ZZZ3: variants seen among roughly 807,000 people sequenced by gnomAD.
ZZZ3 encodes zinc finger ZZ-type containing 3.
ZZZ3 carries 22 observed loss-of-function variants against 95.2 expected under a neutral mutation model. The ratio of observed to expected loss-of-function variants is 0.23; its 90% CI spans 0.17 to 0.33. ZZZ3 has a LOEUF of 0.33. ZZZ3 is among the 10% of genes least tolerant of loss of function. ZZZ3 has a pLI of 1.00. For missense variants in ZZZ3, 885 were observed against 1,066.5 expected, an observed-to-expected ratio of 0.83 and a Z score of 2.37; for synonymous variants, 335 against 358.9, an observed-to-expected ratio of 0.93 and a Z score of 0.75.
At chr1:77,572,552 C>A (rs1446309299) in intron 12 of ZZZ3, among the ~76,000 whole-genome samples, 3 of 152,066 alleles carry the variant, frequency 2.0e-5, no homozygotes, top group African/African-American at 4.8e-5. Context: ...ATTGGCCAGG[C>A]TGGTCTCCAA....
chr1:77,633,057 C>G lies in ZZZ3; in HGVS notation c.298G>C (p.Ala100Pro), dbSNP rs765143671. Residue 100 changes from alanine to proline, a missense_variant, in exon 5 of 15, where the codon GCT becomes CCT. Physicochemically the swap from Ala to Pro is conservative, Grantham distance 27 (BLOSUM62 -1). This residue lies in a region of ZZZ3 where 556 missense variants were observed against 652.9 expected (regional missense o/e 0.85). Coordinates refer to ENST00000370801, the MANE Select transcript of ZZZ3 (RefSeq NM_015534.6). ...SSEKDNIERQ[A>P]IENCERRQTE... The stretch of plus-strand genomic sequence containing the variant: ...TGCCTTCTCTCACAATTTTCTATAG[C>G]CTGCCTTTCTATGTTATCCTTTTCT... 6.2e-6 allele frequency: 10 copies of G among 1,613,796 alleles called. No individual in the cohort carries two copies. The African/African-American group carries it at 8.0e-5, about 13-fold the overall frequency.
chr1:77,651,844 C>T (rs1012853852), intron 1 of ZZZ3, among the ~76,000 whole-genome samples: 1 of 151,872 alleles, frequency 6.6e-6, no homozygotes, highest in Non-Finnish European at 1.5e-5. Flanking sequence ...GGTGAAACCC[C>T]GTCTCTACTA....
intron 5 of ZZZ3, among the ~76,000 whole-genome samples, chr1:77,593,202 T>C (rs1196014407): frequency 6.6e-6 from 1 of 152,130 alleles, no homozygotes; most frequent in Non-Finnish European, 1.5e-5. Context: ...ATATCTCAGT[T>C]TGGAATTAAT....
intron 1 of ZZZ3, among the ~76,000 whole-genome samples, chr1:77,642,875 G>A (rs555635710): frequency 2.6e-5 from 4 of 152,248 alleles, no homozygotes; most frequent in African/African-American, 4.8e-5. Flanking sequence ...ACAATAGAGC[G>A]ATTAAGAAAC....
chr1:77,592,912 T>G (rs1026186279), intron 5 of ZZZ3, among the ~76,000 whole-genome samples: 14 of 152,168 alleles, frequency 9.2e-5, no homozygotes, highest in African/African-American at 3.4e-4. Context: ...AAATTGTGAG[T>G]TATTACGAGG....
At chr1:77,635,228 T>C (rs973936495) in intron 4 of ZZZ3, among the ~76,000 whole-genome samples, 8 of 152,336 alleles carry the variant, frequency 5.3e-5, no homozygotes, top group African/African-American at 1.7e-4. Context: ...CTGTAAAATA[T>C]TTAAGTTGCC....
At chr1:77,641,261 C>A (rs1668754903) in intron 3 of ZZZ3, 123 bp downstream of exon 3, 2 of 293,702 alleles carry the variant, frequency 6.8e-6, no homozygotes, top group South Asian at 1.6e-4. Flanking sequence ...AGCACTCTAT[C>A]AAGTTCTAAT....
intron 5 of ZZZ3, among the ~76,000 whole-genome samples, chr1:77,628,939 A>T (rs988601277): frequency 6.6e-6 from 1 of 152,216 alleles, no homozygotes; most frequent in African/African-American, 2.4e-5. Context: ...AACATTTGAC[A>T]AGGTATGTAC....
intron 5 of ZZZ3, among the ~76,000 whole-genome samples, chr1:77,614,093 C>T (rs142694499): frequency 1.1e-4 from 16 of 152,268 alleles, no homozygotes; most frequent in African/African-American, 3.8e-4. Context: ...AGATTAATGA[C>T]ATGACACTAA....
intron 1 of ZZZ3, among the ~76,000 whole-genome samples, chr1:77,642,618 G>A (rs1183615851): frequency 2.6e-5 from 4 of 151,550 alleles, no homozygotes; most frequent in East Asian, 1.9e-4. Context: ...TTAGCCAGAC[G>A]TGGTTGTGTG....
At chr1:77,616,170 C>T (rs1301527019) in intron 5 of ZZZ3, among the ~76,000 whole-genome samples, 2 of 152,060 alleles carry the variant, frequency 1.3e-5, no homozygotes, top group African/African-American at 4.8e-5. Context: ...TTTCTTTAAA[C>T]GCCAAATGTT....
chr1:77,602,491 C>T (rs1302390020), intron 5 of ZZZ3, among the ~76,000 whole-genome samples: 1 of 151,892 alleles, frequency 6.6e-6, no homozygotes, highest in African/African-American at 2.4e-5. Context: ...AAATATTATA[C>T]TTGGAATCCT....
chr1:77,602,806 A>G (rs557438780), intron 5 of ZZZ3, among the ~76,000 whole-genome samples: 2 of 152,006 alleles, frequency 1.3e-5, no homozygotes, highest in South Asian at 4.2e-4. Context: ...GGGTTTCACC[A>G]TGTTGGCCAG....
At chr1:77,657,001 G>A (rs370335) in intron 1 of ZZZ3, among the ~76,000 whole-genome samples, 1 of 151,772 alleles carries the variant, frequency 6.6e-6, no homozygotes, top group Non-Finnish European at 1.5e-5. Flanking sequence ...CTTACTTTTC[G>A]AGACAGTCTC....
chr1:77,616,551 T>C (rs1666332723), intron 5 of ZZZ3, among the ~76,000 whole-genome samples: 1 of 152,218 alleles, frequency 6.6e-6, no homozygotes, highest in African/African-American at 2.4e-5. Context: ...TTTTGCTCTA[T>C]GCATCTCTAC....
chr1:77,586,407 T>C (rs1353264688), intron 5 of ZZZ3, among the ~76,000 whole-genome samples: 1 of 152,116 alleles, frequency 6.6e-6, no homozygotes, highest in African/African-American at 2.4e-5. Flanking sequence ...TAACAACTAA[T>C]AAGGCACAAG....
intron 13 of ZZZ3, among the ~76,000 whole-genome samples, chr1:77,567,374 A>C (rs1660926137): frequency 6.6e-6 from 1 of 152,216 alleles, no homozygotes. Flanking sequence ...ACTATGGCCA[A>C]AATGATGAGG....
chr1:77,624,454 T>C (rs998252041), intron 5 of ZZZ3, among the ~76,000 whole-genome samples: 7 of 149,496 alleles, frequency 4.7e-5, no homozygotes, highest in Non-Finnish European at 1.0e-4. Flanking sequence ...TAATCATGCA[T>C]GCCTGAGAAA....
intron 1 of ZZZ3, among the ~76,000 whole-genome samples, chr1:77,647,589 A>G (rs1669404846): frequency 6.6e-6 from 1 of 152,094 alleles, no homozygotes; most frequent in African/African-American, 2.4e-5. Context: ...GTAATATAAA[A>G]TAATATAATT....
Sources: gnomAD v4.1 joint callset for allele counts (sites outside exome capture counted in the v4.1 genomes callset) on GRCh38, gnomAD v4.1.1 for gene constraint, gnomAD v4.1.1 regional missense constraint, MANE v1.5 for transcripts, NCBI Gene and HGNC (gene_info 2026-07-23, HGNC 2026-07-21) for gene names.